The following WWOX variants were observed in gnomAD, a reference collection of about 807,000 sequenced individuals.
WWOX encodes WW domain-containing oxidoreductase.
A neutral mutation model predicts 46.2 loss-of-function variants in WWOX; 69 were observed. That is an observed-to-expected ratio of 1.49 (90% CI 1.23 to 1.82). The LOEUF is 1.82. WWOX is among the 40% of genes most tolerant of loss of function. The pLI, the probability that WWOX is intolerant of heterozygous loss-of-function variation, is 0.00. For missense variants in WWOX, 919 were observed against 542.6 expected, an observed-to-expected ratio of 1.69 and a Z score of -6.89; for synonymous variants, 359 against 202.6, an observed-to-expected ratio of 1.77 and a Z score of -6.56.
At chr16:78,959,627 G>C (rs141935187) in intron 8 of WWOX, among the ~76,000 whole-genome samples, 84 of 152,276 alleles carry the variant, frequency 5.5e-4, no homozygotes, top group African/African-American at 1.8e-3. Context: ...AGGAAGGCCA[G>C]TGTCTTGGTG....
intron 8 of WWOX, among the ~76,000 whole-genome samples, chr16:79,164,788 G>A (rs1269264545): frequency 6.6e-6 from 1 of 152,136 alleles, no homozygotes. Flanking sequence ...AGTGACAGAG[G>A]CAAGGAGACA....
chr16:78,673,777 A>G (rs2047522873), intron 8 of WWOX, among the ~76,000 whole-genome samples: 1 of 152,160 alleles, frequency 6.6e-6, no homozygotes, highest in Non-Finnish European at 1.5e-5. Context: ...TTTCAATACA[A>G]CCCTTTCTTT....
At chr16:78,534,462 A>C (rs1256152295) in intron 8 of WWOX, 1 of 152,220 alleles carries the variant, frequency 6.6e-6, no homozygotes, top group East Asian at 1.9e-4. Context: ...TGGAAACTCA[A>C]TTTTGATTCA....
At chr16:78,371,359 C>A (rs1241023628) in intron 5 of WWOX, among the ~76,000 whole-genome samples, 1 of 152,102 alleles carries the variant, frequency 6.6e-6, no homozygotes, top group Non-Finnish European at 1.5e-5. Context: ...TTTGTGATGG[C>A]AGGAATTTGA....
chr16:78,412,586 G>C (rs763555857), intron 6 of WWOX, among the ~76,000 whole-genome samples: 1 of 152,302 alleles, frequency 6.6e-6, no homozygotes, highest in South Asian at 2.1e-4. Context: ...TAGTGGCATT[G>C]GGAGGTCCAA....
chr16:79,044,250 T>C lies in WWOX; in HGVS notation c.1057-167358T>C, dbSNP rs559388763. On this transcript the variant is annotated intron_variant, in intron 8 of 8. Transcript: ENST00000566780. Reference sequence around the variant, plus strand: ...GAAGGAAAGTTACCATCAAAATCCGTCGTTGAAAGTATTGAAGTTCCAGCT... The same window carrying C: ...GAAGGAAAGTTACCATCAAAATCCGCCGTTGAAAGTATTGAAGTTCCAGCT... Among the ~76,000 whole-genome samples, 291 of 152,258 alleles carry C rather than the reference T, an allele frequency of 1.9e-3. 2 individuals carry two copies. The highest frequency in any genetic ancestry group is 6.6e-3 in the African/African-American group (276 of 41,562).
chr16:79,005,937 T>C (rs1016473363), intron 8 of WWOX, among the ~76,000 whole-genome samples: 2 of 152,116 alleles, frequency 1.3e-5, no homozygotes, highest in Non-Finnish European at 2.9e-5. Flanking sequence ...GAGAAACCCA[T>C]CCATACTCTG....
chr16:78,836,302 G>A (rs1323587986), intron 8 of WWOX, among the ~76,000 whole-genome samples: 1 of 152,200 alleles, frequency 6.6e-6, no homozygotes, highest in African/African-American at 2.4e-5. Flanking sequence ...AACTGGCAGG[G>A]CCACACAAGG....
intron 8 of WWOX, among the ~76,000 whole-genome samples, chr16:78,732,127 G>T (rs949235413): frequency 6.6e-6 from 1 of 152,122 alleles, no homozygotes; most frequent in African/African-American, 2.4e-5. Flanking sequence ...GTCTCCAAAA[G>T]TGCTGGGATT....
intron 8 of WWOX, among the ~76,000 whole-genome samples, chr16:78,833,192 C>T (rs1253257342): frequency 6.6e-6 from 1 of 152,110 alleles, no homozygotes; most frequent in African/African-American, 2.4e-5. Context: ...CAAGCATGCA[C>T]TCCTGTGCTT....
intron 8 of WWOX, among the ~76,000 whole-genome samples, chr16:78,928,438 G>C (rs1188938906): frequency 6.6e-6 from 1 of 151,924 alleles, no homozygotes; most frequent in Non-Finnish European, 1.5e-5. Flanking sequence ...TCCTGACCTC[G>C]TGATCTGCCC....
intron 8 of WWOX, among the ~76,000 whole-genome samples, chr16:78,620,285 C>T (rs867222968): frequency 6.6e-6 from 1 of 152,228 alleles, no homozygotes; most frequent in Middle Eastern, 3.4e-3. Context: ...GAGGATTGGC[C>T]CATGGCTTTC....
At chr16:78,447,752 C>G (rs182081843) in intron 8 of WWOX, among the ~76,000 whole-genome samples, 1 of 152,288 alleles carries the variant, frequency 6.6e-6, no homozygotes, top group Admixed American at 6.5e-5. Context: ...GGAAGGCAGA[C>G]TTTGTTCTAA....
intron 8 of WWOX, among the ~76,000 whole-genome samples, chr16:78,639,455 G>T (rs1376041101): frequency 6.6e-6 from 1 of 152,188 alleles, no homozygotes; most frequent in Non-Finnish European, 1.5e-5. Flanking sequence ...GAGTGTTTGA[G>T]ATCCTGTAGT....
chr16:78,232,425 A>G (rs1567444696), intron 5 of WWOX, among the ~76,000 whole-genome samples: 1 of 152,128 alleles, frequency 6.6e-6, no homozygotes, highest in African/African-American at 2.4e-5. Context: ...TTCCCTCCCC[A>G]GTAGTTGTGA....
intron 8 of WWOX, among the ~76,000 whole-genome samples, chr16:78,909,408 A>G (rs1475070172): frequency 6.6e-6 from 1 of 152,224 alleles, no homozygotes; most frequent in Non-Finnish European, 1.5e-5. Context: ...TTTATGGACC[A>G]TAAACCCCAC....
chr16:78,863,024 C>T (rs1008837321), intron 8 of WWOX, among the ~76,000 whole-genome samples: 10 of 144,772 alleles, frequency 6.9e-5, no homozygotes, highest in Non-Finnish European at 1.3e-4. Flanking sequence ...AGTGGTGCAA[C>T]CTTGGCTCAC....
intron 8 of WWOX, among the ~76,000 whole-genome samples, chr16:79,208,930 T>G (rs991540331): frequency 9.6e-4 from 146 of 152,094 alleles, no homozygotes; most frequent in Non-Finnish European, 1.2e-4. Flanking sequence ...GAAAGTAGAG[T>G]GAGTACCCAT....
intron 8 of WWOX, among the ~76,000 whole-genome samples, chr16:78,486,541 T>C (rs1165861286): frequency 6.6e-6 from 1 of 151,934 alleles, no homozygotes; most frequent in Non-Finnish European, 1.5e-5. Context: ...CACTACTGGG[T>C]GTGTTTAATT....
Sources: gnomAD v4.1 joint callset for allele counts (sites outside exome capture counted in the v4.1 genomes callset) on GRCh38, gnomAD v4.1.1 for gene constraint, MANE v1.5 for transcripts, NCBI Gene and HGNC (gene_info 2026-07-23, HGNC 2026-07-21) for gene names.